The following TMEM132D variants were observed in gnomAD, a reference collection of about 807,000 sequenced individuals.
The protein encoded by TMEM132D is transmembrane protein 132D.
TMEM132D carries 21 observed loss-of-function variants against 62.3 expected under a neutral mutation model. That is an observed-to-expected ratio of 0.34 (90% CI 0.24 to 0.49). The LOEUF (loss-of-function observed/expected upper bound fraction) is 0.49, where lower values mean the gene tolerates loss of function less well. Ranked by LOEUF, TMEM132D falls within the 20% of genes least tolerant of loss-of-function variation. The probability of loss-of-function intolerance (pLI) is 0.99; values close to 1 mark genes in which losing one functional copy is unlikely to be tolerated. For synonymous variants in TMEM132D, 621 were observed against 575.6 expected, an observed-to-expected ratio of 1.08 and a Z score of -1.13; for missense variants, 1,346 against 1,402.8, an observed-to-expected ratio of 0.96 and a Z score of 0.65.
intron 2 of TMEM132D, among the ~76,000 whole-genome samples, chr12:129,667,075 T>C (rs1436003591): frequency 6.6e-6 from 1 of 152,146 alleles, no homozygotes; most frequent in Non-Finnish European, 1.5e-5. Flanking sequence ...TTTCCATAGG[T>C]TAAAACATTA....
chr12:129,293,153 C>T (rs866712635), intron 4 of TMEM132D, among the ~76,000 whole-genome samples: 1 of 151,996 alleles, frequency 6.6e-6, no homozygotes, highest in African/African-American at 2.4e-5. Context: ...TAGGGTGGTA[C>T]GGAGGCAGTG....
In TMEM132D at chr12:129,903,209, C is replaced by G; in HGVS notation, c.79+52G>C. On this transcript the variant is annotated intron_variant, in intron 1 of 8. Coordinates refer to ENST00000422113, the MANE Select transcript of TMEM132D (RefSeq NM_133448.3). This position sits in a 1 kb window ranked among gnomAD's most constrained non-coding sequence, Gnocchi z 6.2. ...CCCATCCTCCACACACTCCCACACA[C>G]TCACTCCAGGCGAAGTTAGTCCCCG... 1.3e-6 allele frequency: 2 copies of G among 1,541,296 alleles called. No individual in the cohort carries two copies. Among genetic ancestry groups the G allele is most frequent in the South Asian group, 2.4e-5 (2 of 83,816 alleles).
chr12:129,707,160 T>TAC (rs1021892188), intron 1 of TMEM132D, among the ~76,000 whole-genome samples: 3 of 147,936 alleles, frequency 2.0e-5, no homozygotes, highest in African/African-American at 7.4e-5. Flanking sequence ...AAAATATATA[T>TAC]ATATATAATA....
chr12:129,660,947 A>T (rs1880223172), intron 2 of TMEM132D, among the ~76,000 whole-genome samples: 1 of 152,226 alleles, frequency 6.6e-6, no homozygotes, highest in Non-Finnish European at 1.5e-5. Context: ...ATGCACTCCC[A>T]GTAACATCCA....
intron 1 of TMEM132D, among the ~76,000 whole-genome samples, chr12:129,845,683 T>C (rs932436909): frequency 1.3e-5 from 2 of 152,156 alleles, no homozygotes; most frequent in Non-Finnish European, 2.9e-5. Flanking sequence ...CTAGTAAAAT[T>C]CAAATCAAAA....
intron 3 of TMEM132D, among the ~76,000 whole-genome samples, chr12:129,507,374 G>T (rs2137071495): frequency 6.6e-6 from 1 of 152,242 alleles, no homozygotes; most frequent in African/African-American, 2.4e-5. Context: ...CTATCCAGAA[G>T]AAAATAAGTC....
intron 2 of TMEM132D, among the ~76,000 whole-genome samples, chr12:129,679,955 G>A (rs1021467846): frequency 6.6e-6 from 1 of 152,048 alleles, no homozygotes; most frequent in African/African-American, 2.4e-5. Flanking sequence ...GAACAACTCT[G>A]CTCAGAATTT....
In TMEM132D at chr12:129,813,611, G is replaced by GATATAT. The variant is rs3046846; in HGVS notation, c.79+89644_79+89649dup. On this transcript the variant is annotated intron_variant, in intron 1 of 8. Coordinates refer to ENST00000422113, the MANE Select transcript of TMEM132D (RefSeq NM_133448.3). ...AAGGATGGACGGATACAGAAAATGT[G>GATATAT]ATATATATATATATATATATTTTCA... Among the ~76,000 whole-genome samples the GATATAT allele has an allele frequency of 8.5e-3, 1,160 of 136,646 alleles. 44 individuals carry two copies. Among genetic ancestry groups the GATATAT allele is most frequent in the African/African-American group, 0.025 (968 of 38,106 alleles). The allele number at this position is 136,646 out of a possible 152,430, so 89.6% of individuals were successfully genotyped here. A position where few individuals can be genotyped will look rare whatever the true frequency, so the allele number is the denominator to read the frequency against.
At chr12:129,214,234 G>A (rs1879139975) in intron 4 of TMEM132D, among the ~76,000 whole-genome samples, 1 of 151,798 alleles carries the variant, frequency 6.6e-6, no homozygotes, top group Non-Finnish European at 1.5e-5. Flanking sequence ...GTCATGCAGT[G>A]GTCTGATGGA....
At chr12:129,690,475 C>A (rs1881038294) in intron 2 of TMEM132D, among the ~76,000 whole-genome samples, 1 of 152,026 alleles carries the variant, frequency 6.6e-6, no homozygotes, top group African/African-American at 2.4e-5. Flanking sequence ...GCTCAAAAGA[C>A]TTTAACAAGT....
At chr12:129,399,918 A>G (rs1280187501) in intron 3 of TMEM132D, among the ~76,000 whole-genome samples, 2 of 152,028 alleles carry the variant, frequency 1.3e-5, no homozygotes, top group Non-Finnish European at 2.9e-5. Context: ...CATTTTTCAT[A>G]TAATGAATAT....
At chr12:129,120,811 A>G (rs1045357464) in intron 5 of TMEM132D, among the ~76,000 whole-genome samples, 4 of 152,136 alleles carry the variant, frequency 2.6e-5, no homozygotes, top group Non-Finnish European at 5.9e-5. Flanking sequence ...TTATTTTTTA[A>G]TTTACACACA....
intron 4 of TMEM132D, among the ~76,000 whole-genome samples, chr12:129,258,271 A>C (rs1323963141): frequency 6.6e-6 from 1 of 152,054 alleles, no homozygotes; most frequent in Non-Finnish European, 1.5e-5. Flanking sequence ...GATAGTACAT[A>C]TATAAATATA....
chr12:129,286,268 G>A (rs1405888912), intron 4 of TMEM132D, among the ~76,000 whole-genome samples: 1 of 152,132 alleles, frequency 6.6e-6, no homozygotes, highest in African/African-American at 2.4e-5. Context: ...AATATACGTG[G>A]GCATTGGTGT....
At chr12:129,787,083 G>T (rs1205214300) in intron 1 of TMEM132D, among the ~76,000 whole-genome samples, 2 of 152,096 alleles carry the variant, frequency 1.3e-5, no homozygotes, top group Admixed American at 6.6e-5. Flanking sequence ...GAAAAGCTTT[G>T]CCCCAAATCA....
At chr12:129,534,700 G>C (rs1166778868) in intron 2 of TMEM132D, among the ~76,000 whole-genome samples, 1 of 152,096 alleles carries the variant, frequency 6.6e-6, no homozygotes, top group Admixed American at 6.6e-5. Flanking sequence ...CTGGACAAAA[G>C]GTGGACACAT....
intron 1 of TMEM132D, among the ~76,000 whole-genome samples, chr12:129,865,980 C>A (rs191778974): frequency 1.3e-5 from 2 of 152,054 alleles, no homozygotes; most frequent in East Asian, 1.9e-4. Context: ...GTGTGCCTAA[C>A]GACTAAGACA....
chr12:129,860,233 C>A (rs115124650), intron 1 of TMEM132D, among the ~76,000 whole-genome samples: 1,872 of 152,256 alleles, frequency 0.012, 40 homozygotes, highest in African/African-American at 0.042. Flanking sequence ...TAAGGCAAAA[C>A]GATTACTGCA....
intron 1 of TMEM132D, among the ~76,000 whole-genome samples, chr12:129,726,306 C>T (rs1035078733): frequency 4.6e-5 from 7 of 152,098 alleles, no homozygotes; most frequent in Non-Finnish European, 4.4e-5. Context: ...GGACTTGGGA[C>T]CCTGGACACA....
Sources: gnomAD v4.1 joint callset for allele counts (sites outside exome capture counted in the v4.1 genomes callset) on GRCh38, gnomAD v4.1.1 for gene constraint, Gnocchi (gnomAD v3.1) non-coding constraint, MANE v1.5 for transcripts, NCBI Gene and HGNC (gene_info 2026-07-23, HGNC 2026-07-21) for gene names.